CLEC16A: variants seen among roughly 807,000 people sequenced by gnomAD.
CLEC16A encodes protein CLEC16A.
A neutral mutation model predicts 109.5 loss-of-function variants in CLEC16A; 51 were observed. That is an observed-to-expected ratio of 0.47 (90% CI 0.37 to 0.59). The LOEUF (loss-of-function observed/expected upper bound fraction) is 0.59. Among genes scored for constraint, CLEC16A ranks in the 20% least tolerant of loss-of-function variants. CLEC16A has a pLI of 0.00. For missense variants in CLEC16A, 1,339 were observed against 1,394.0 expected (o/e 0.96, Z 0.63); for synonymous variants, 673 against 564.2 (o/e 1.19, Z -2.73).
At chr16:11,127,643 C>T (rs112291875) in intron 22 of CLEC16A, among the ~76,000 whole-genome samples, 2,538 of 152,242 alleles carry the variant, frequency 0.017, 29 homozygotes, top group Middle Eastern at 0.031. Flanking sequence ...TAAGACAAGG[C>T]GGATTGCTTG....
chr16:10,992,100 G>A (rs1371442335), intron 10 of CLEC16A, among the ~76,000 whole-genome samples: 1 of 152,156 alleles, frequency 6.6e-6, no homozygotes, highest in Non-Finnish European at 1.5e-5. Flanking sequence ...CTTCCTGGTA[G>A]CCTCCAGATA....
chr16:11,151,777 T>C (rs2054299299), intron 22 of CLEC16A, among the ~76,000 whole-genome samples: 1 of 152,144 alleles, frequency 6.6e-6, no homozygotes, highest in South Asian at 2.1e-4. Flanking sequence ...ACCAGCTCAC[T>C]GTTGCAAAAG....
rs972352766 is a variant in CLEC16A at position 11,178,723 on chromosome 16, C to A, written c.*33C>A. The A allele has an allele frequency of 1.4e-6, 2 of 1,415,238 alleles. No homozygotes were observed. The highest frequency in any genetic ancestry group is 1.9e-6 in the Non-Finnish European group (2 of 1,075,388). 87.7% of individuals were successfully genotyped at this position (1,415,238 alleles called of 1,614,324 possible). On this transcript the variant is annotated 3_prime_UTR_variant, in exon 24 of 24. Coordinates refer to ENST00000409790, the MANE Select transcript of CLEC16A (RefSeq NM_015226.3). This position sits in a 1 kb window ranked among gnomAD's most constrained non-coding sequence, Gnocchi z 6.5. Reference sequence around the variant, plus strand: ...CCGGGGCCTCCCTTTGTGTGTGTGGCCCCGCTGGTAGGGACCCCAGTGCCG... The same window carrying A: ...CCGGGGCCTCCCTTTGTGTGTGTGGACCCGCTGGTAGGGACCCCAGTGCCG...
chr16:11,146,059 G>A (rs2054042242), intron 22 of CLEC16A, among the ~76,000 whole-genome samples: 1 of 152,150 alleles, frequency 6.6e-6, no homozygotes, highest in African/African-American at 2.4e-5. Flanking sequence ...GACCTGGGTG[G>A]CCTCTGTTTG....
At chr16:11,160,910 C>T (rs760038175) in intron 22 of CLEC16A, among the ~76,000 whole-genome samples, 2 of 152,158 alleles carry the variant, frequency 1.3e-5, no homozygotes, top group African/African-American at 2.4e-5. Flanking sequence ...GGATATACCC[C>T]CTTTCCTTTT....
chr16:11,021,558 G>A (rs987457092), intron 12 of CLEC16A, among the ~76,000 whole-genome samples: 1 of 152,216 alleles, frequency 6.6e-6, no homozygotes. Flanking sequence ...AGCGCTTTGG[G>A]AGGCCAAGGG....
intron 1 of CLEC16A, among the ~76,000 whole-genome samples, chr16:10,951,953 A>T (rs924101294): frequency 6.6e-6 from 1 of 152,240 alleles, no homozygotes; most frequent in Non-Finnish European, 1.5e-5. Flanking sequence ...GATATTTGCA[A>T]ACAGTTGTCA....
intron 22 of CLEC16A, among the ~76,000 whole-genome samples, chr16:11,141,496 G>C (rs957416229): frequency 1.3e-5 from 2 of 152,218 alleles, no homozygotes; most frequent in Non-Finnish European, 2.9e-5. Context: ...GCACTGGGTT[G>C]TCGGGGACCG....
Position 11,181,009 on chromosome 16 carries a change from G to A in CLEC16A, c.*2319G>A, listed in dbSNP as rs2068937486. On this transcript the variant is annotated 3_prime_UTR_variant, in exon 24 of 24. Transcript: ENST00000409790. Reference sequence around the variant, plus strand: ...ATGTGGGCTTGCAGGGTCACTCTCAGGGGCCTCTTTCAGCTGGGGCTGGCA... The same window carrying A: ...ATGTGGGCTTGCAGGGTCACTCTCAAGGGCCTCTTTCAGCTGGGGCTGGCA... 1 of 152,468 alleles carries A rather than the reference G, an allele frequency of 6.6e-6. No homozygotes were observed. Among genetic ancestry groups the A allele is most frequent in the Non-Finnish European group, 1.5e-5 (1 of 68,240 alleles). 9.4% of individuals were successfully genotyped at this position (152,468 alleles called of 1,614,324 possible).
At chr16:11,035,671 T>A (rs1477241193) in intron 13 of CLEC16A, among the ~76,000 whole-genome samples, 1 of 152,250 alleles carries the variant, frequency 6.6e-6, no homozygotes, top group Non-Finnish European at 1.5e-5. Context: ...TGAAGCATTC[T>A]ACGTCATATG....
chr16:11,097,393 C>T (rs2050666678), intron 19 of CLEC16A, among the ~76,000 whole-genome samples: 1 of 152,200 alleles, frequency 6.6e-6, no homozygotes, highest in Non-Finnish European at 1.5e-5. Flanking sequence ...TTGGGGGCCT[C>T]TGTAAGTGCC....
intron 10 of CLEC16A, among the ~76,000 whole-genome samples, chr16:11,000,096 C>T (rs1297318564): frequency 6.6e-6 from 1 of 152,186 alleles, no homozygotes; most frequent in Non-Finnish European, 1.5e-5. Context: ...CCTGGGCCTC[C>T]CAAAGTGCTG....
At chr16:10,989,129 TCTGTGTGTATA>T (rs967243750) in intron 10 of CLEC16A, among the ~76,000 whole-genome samples, 20 of 152,324 alleles carry the variant, frequency 1.3e-4, no homozygotes, top group South Asian at 6.2e-4. Context: ...GGTGAAGCCC[TCTGTGTGTATA>T]CTGTGTGTAT....
At chr16:10,993,840 C>G (rs2044173610) in intron 10 of CLEC16A, among the ~76,000 whole-genome samples, 1 of 152,192 alleles carries the variant, frequency 6.6e-6, no homozygotes, top group African/African-American at 2.4e-5. Flanking sequence ...AGCATTCCCT[C>G]TTGATTGAAT....
At chr16:11,060,359 G>A (rs1001800292) in intron 18 of CLEC16A, among the ~76,000 whole-genome samples, 28 of 152,214 alleles carry the variant, frequency 1.8e-4, no homozygotes, top group African/African-American at 6.8e-4. Context: ...CAGGTCTCAG[G>A]CCCTGCAGCC....
chr16:11,129,836 C>G (rs981119708), intron 22 of CLEC16A, among the ~76,000 whole-genome samples: 5 of 150,544 alleles, frequency 3.3e-5, no homozygotes, highest in Non-Finnish European at 7.4e-5. Flanking sequence ...AGTCTTGGCT[C>G]ACTGCAAGCT....
intron 17 of CLEC16A, among the ~76,000 whole-genome samples, chr16:11,049,925 T>G (rs1007543613): frequency 3.3e-5 from 5 of 152,218 alleles, no homozygotes; most frequent in African/African-American, 9.6e-5. Flanking sequence ...GTACTTAAAG[T>G]GTCCAAAAGA....
At chr16:11,007,771 T>C (rs2045119950) in intron 11 of CLEC16A, among the ~76,000 whole-genome samples, 1 of 151,950 alleles carries the variant, frequency 6.6e-6, no homozygotes, top group African/African-American at 2.4e-5. Context: ...GCTTAGTGAG[T>C]GTGCAGGTGA....
Position 10,962,604 on chromosome 16 carries a change from G to T in CLEC16A, c.343+16G>T, listed in dbSNP as rs533552339. On this transcript the variant is annotated intron_variant, in intron 3 of 23. Coordinates refer to ENST00000409790, the MANE Select transcript of CLEC16A (RefSeq NM_015226.3). ...ACCTCACTTTGTAAGGACATTCCTT[G>T]GTATTTGCCTCTGTGCTGCTGTGCA... 3 of 1,612,922 alleles carry T rather than the reference G, an allele frequency of 1.9e-6. No individual in the cohort carries two copies. The highest frequency in any genetic ancestry group is 3.3e-5 in the Admixed American group (2 of 59,984).
Sources: allele counts gnomAD v4.1 joint callset (sites outside exome capture counted in the v4.1 genomes callset), GRCh38; gene constraint gnomAD v4.1.1; non-coding constraint Gnocchi (gnomAD v3.1); transcripts MANE v1.5; gene names NCBI Gene and HGNC (gene_info 2026-07-23, HGNC 2026-07-21).